The following MASP1 variants were observed in gnomAD, a reference collection of about 807,000 sequenced individuals.
MASP1 encodes mannan-binding lectin serine protease 1.
Under a neutral mutation model 77.1 loss-of-function variants are expected in MASP1, and 59 were observed. The ratio of observed to expected loss-of-function variants is 0.77; its 90% CI spans 0.62 to 0.95. MASP1 has a LOEUF of 0.95. MASP1 is among the 40% of genes least tolerant of loss of function. MASP1 has a pLI of 0.00. For missense variants in MASP1, 885 were observed against 912.9 expected, an observed-to-expected ratio of 0.97 and a Z score of 0.39; for synonymous variants, 362 against 354.5, an observed-to-expected ratio of 1.02 and a Z score of -0.24.
intron 6 of MASP1, 27 bp downstream of exon 6, chr3:187,253,141 G>C: frequency 6.2e-7 from 1 of 1,612,850 alleles, no homozygotes; most frequent in Non-Finnish European, 8.5e-7. Flanking sequence ...ACAGCAGCTC[G>C]GTGTGACCTG....
At chr3:187,249,804 C>T (rs993505144) in intron 8 of MASP1, among the ~76,000 whole-genome samples, 2 of 152,228 alleles carry the variant, frequency 1.3e-5, no homozygotes, top group African/African-American at 2.4e-5. Flanking sequence ...GCTGATCCCA[C>T]AGCCCTTCCT....
At chr3:187,224,851 C>T (rs78415467) in intron 13 of MASP1, among the ~76,000 whole-genome samples, 1,699 of 152,316 alleles carry the variant, frequency 0.011, 20 homozygotes, top group Non-Finnish European at 0.018. Context: ...CCAGTAGTGG[C>T]CATTGTTTCC....
intron 8 of MASP1, among the ~76,000 whole-genome samples, chr3:187,245,707 T>C (rs76226347): frequency 0.013 from 2,017 of 152,304 alleles, 18 homozygotes; most frequent in Non-Finnish European, 0.019. Flanking sequence ...CGTTGACTTA[T>C]GCTCTTTGCT....
chr3:187,262,944 G>T, intron 2 of MASP1: 1 of 516,998 alleles, frequency 1.9e-6, no homozygotes, highest in East Asian at 3.2e-5. Flanking sequence ...ATTAGAAGTA[G>T]CTTGATATTT....
chr3:187,270,097 G>A (rs534991932), intron 2 of MASP1, among the ~76,000 whole-genome samples: 1 of 152,320 alleles, frequency 6.6e-6, no homozygotes, highest in East Asian at 1.9e-4. Context: ...ATTCTGCAAT[G>A]TAACTTCACT....
At chr3:187,262,485 G>C in intron 3 of MASP1, 58 bp downstream of exon 3, 1 of 1,564,890 alleles carries the variant, frequency 6.4e-7, no homozygotes, top group South Asian at 1.1e-5. Context: ...TCACAAGGCA[G>C]TTTTCATCTT....
Position 187,234,125 on chromosome 3 carries a change from TG to T in MASP1, c.*1558del, listed in dbSNP as rs1474826946. 1.6e-6 allele frequency: 2 copies of T among 1,285,738 alleles called. No individual in the cohort carries two copies. The highest frequency in any genetic ancestry group is 2.0e-6 in the Non-Finnish European group (2 of 987,488). The allele number at this position is 1,285,738 out of a possible 1,614,324, so 79.6% of individuals were successfully genotyped here. On this transcript the variant is annotated 3_prime_UTR_variant, in exon 11 of 11. Transcript: ENST00000296280. ...GTTTATTTCCACTTGAGACCCCTGA[TG>T]GGAGCAACAATGCAGAGGCCCTTTA...
chr3:187,251,570 G>A (rs1439968964), intron 7 of MASP1, 64 bp downstream of exon 7: 1 of 1,300,632 alleles, frequency 7.7e-7, no homozygotes, highest in Admixed American at 1.7e-5. Flanking sequence ...CTGCCCTGGG[G>A]AGGGGCAGGT....
At chr3:187,240,481 TA>T (rs527495559) in intron 10 of MASP1, among the ~76,000 whole-genome samples, 12 of 152,176 alleles carry the variant, frequency 7.9e-5, no homozygotes, top group South Asian at 2.1e-4. Flanking sequence ...TGCTTTTTTT[TA>T]AAAAAAATGT....
chr3:187,263,232 T>C (rs1715752715), intron 2 of MASP1: 1 of 164,832 alleles, frequency 6.1e-6, no homozygotes, highest in South Asian at 1.6e-4. Context: ...CAGGCAGGTA[T>C]TACACAGTGT....
chr3:187,234,312 A>G lies in MASP1; in HGVS notation c.*1372T>C. 7.8e-7 allele frequency: 1 copy of G among 1,287,070 alleles called. No individual in the cohort carries two copies. The highest frequency in any genetic ancestry group is 1.2e-5 in the South Asian group (1 of 80,926). The allele number at this position is 1,287,070 out of a possible 1,614,324, so 79.7% of individuals were successfully genotyped here. A position where few individuals can be genotyped will look rare whatever the true frequency, so the allele number is the denominator to read the frequency against. On this transcript the variant is annotated 3_prime_UTR_variant, in exon 11 of 11. Transcript: ENST00000296280. ...CTCTGGCTGCCTTGCTCTGATGGAG[A>G]TTTTCAGGAGAGAGAGCTCCAGGGA...
rs72549248 is a variant in MASP1, at chr3:187,286,002, G to A, written c.60C>T (p.His20=). 6 of 1,614,208 alleles carry A rather than the reference G, an allele frequency of 3.7e-6. 1 individual carries two copies. The highest frequency in any genetic ancestry group is 2.7e-5 in the African/African-American group (2 of 75,050). Residue 20 remains histidine, a synonymous_variant, in exon 2 of 11, where the codon CAC becomes CAT. Coordinates refer to ENST00000296280, the MANE Select transcript of MASP1 (RefSeq NM_139125.4). The part of the protein sequence containing the change: ...LCFSLSKASA[H]TVELNNMFGQ... ...CAAACATATTGTTTAGCTCCACGGT[G>A]TGGGCTGAAGCCTTTGACAGGGAGA... is the stretch of plus-strand genomic sequence containing the variant.
At chr3:187,226,350 G>A (rs1712427131) in intron 12 of MASP1, 6 of 1,296,880 alleles carry the variant, frequency 4.6e-6, no homozygotes, top group Non-Finnish European at 6.6e-6. Flanking sequence ...AGGGCCAGTA[G>A]GTCATTCCCA....
intron 2 of MASP1, chr3:187,276,710 A>C (rs151173537): frequency 6.6e-6 from 1 of 152,312 alleles, no homozygotes; most frequent in East Asian, 1.9e-4. Flanking sequence ...AAGCAAGCTC[A>C]TTTTCATTTT....
At chr3:187,228,618 T>C (rs1038435145) in intron 11 of MASP1, among the ~76,000 whole-genome samples, 4 of 152,178 alleles carry the variant, frequency 2.6e-5, no homozygotes, top group African/African-American at 9.7e-5. Context: ...CAGTGTTCTC[T>C]GTCTCTCTCT....
chr3:187,275,503 G>T (rs534864910), intron 2 of MASP1, among the ~76,000 whole-genome samples: 1 of 152,288 alleles, frequency 6.6e-6, no homozygotes, highest in African/African-American at 2.4e-5. Context: ...CGGTAGGTGT[G>T]CTGGAGCCGG....
At position 187,236,556 on chromosome 3, in the gene MASP1, G is replaced by T; in HGVS notation, c.1315C>A (p.Pro439Thr). Residue 439 changes from proline (P) to threonine (T), a missense_variant, in exon 11 of 11, where the codon CCC (proline) becomes ACC (threonine). Transcript: ENST00000296280. ...ACCAGGCTTGGCAGGGAGCGGGAGGGCTGACCACACTCTGTAAGGAGAAAG... is the reference window on the plus strand; with the variant it reads ...ACCAGGCTTGGCAGGGAGCGGGAGGTCTGACCACACTCTGTAAGGAGAAAG... Reference protein sequence around the residue: ...LPTCLPECGQPSRSLPSLVKR... With the variant: ...LPTCLPECGQTSRSLPSLVKR... 6.2e-7 allele frequency: 1 copy of T among 1,613,916 alleles called. No homozygotes were observed. Among genetic ancestry groups the T allele is most frequent in the South Asian group, 1.1e-5 (1 of 91,080 alleles).
intron 9 of MASP1, 110 bp from the exon 10 acceptor site, chr3:187,241,665 T>C: frequency 1.3e-6 from 1 of 763,958 alleles, no homozygotes; most frequent in Admixed American, 1.9e-5. Flanking sequence ...TACAAAGTCC[T>C]CCAAATGGTC....
At chr3:187,274,555 T>C (rs1716799245) in intron 2 of MASP1, among the ~76,000 whole-genome samples, 1 of 152,236 alleles carries the variant, frequency 6.6e-6, no homozygotes, top group Admixed American at 6.5e-5. Flanking sequence ...AGGAACAGAC[T>C]TGTTCAAAGT....
Sources: gnomAD v4.1 joint callset for allele counts (sites outside exome capture counted in the v4.1 genomes callset) on GRCh38, gnomAD v4.1.1 for gene constraint, MANE v1.5 for transcripts, NCBI Gene and HGNC (gene_info 2026-07-23, HGNC 2026-07-21) for gene names.